Variants in LRRN1 observed in about 807,000 individuals in gnomAD.
The protein encoded by LRRN1 is leucine rich repeat neuronal 1.
In LRRN1, 14 loss-of-function variants were observed where a neutral mutation model predicts 45.8. That is an observed-to-expected ratio of 0.31 (90% CI 0.20 to 0.48). LRRN1 has a LOEUF of 0.48. Among genes scored for constraint, LRRN1 ranks in the 20% least tolerant of loss-of-function variants. The pLI, the probability that LRRN1 is intolerant of heterozygous loss-of-function variation, is 0.99. For missense variants in LRRN1, 789 were observed against 874.2 expected (o/e 0.90, Z 1.23); for synonymous variants, 359 against 330.1 (o/e 1.09, Z -0.95).
intron 1 of LRRN1, among the ~76,000 whole-genome samples, chr3:3,844,036 T>G (rs1693701238): frequency 6.6e-6 from 1 of 151,842 alleles, no homozygotes; most frequent in Non-Finnish European, 1.5e-5. Flanking sequence ...TATGTATGAG[T>G]GTGTGCATTT....
rs1428037287 is a variant in LRRN1 at position 3,846,420 on chromosome 3, A to G, written c.1779A>G (p.Glu593=). The change falls in exon 2 of 2, where the codon GAA becomes GAG. Residue 593 remains glutamate (E), a synonymous_variant. Coordinates refer to ENST00000319331, the MANE Select transcript of LRRN1 (RefSeq NM_020873.7). The surrounding 1 kb of genome is among the most constrained non-coding windows in gnomAD (Gnocchi z 5.7). ...ATCTGCAGCCTTCCACAGATTATGA[A>G]GTGTGTCTCACAGTGTCCAATATTC... ...LTHLQPSTDY[E]VCLTVSNIHQ... 1 of 1,614,068 alleles carries G rather than the reference A, an allele frequency of 6.2e-7. No homozygotes were observed. The highest frequency in any genetic ancestry group is 1.1e-5 in the South Asian group (1 of 91,084).
At chr3:3,829,269 G>T (rs988843269) in intron 1 of LRRN1, among the ~76,000 whole-genome samples, 1 of 152,142 alleles carries the variant, frequency 6.6e-6, no homozygotes, top group Non-Finnish European at 1.5e-5. Flanking sequence ...CTTAAAGGTA[G>T]AGGGAGCCCA....
chr3:3,825,694 C>G (rs1693200910), intron 1 of LRRN1, among the ~76,000 whole-genome samples: 1 of 152,062 alleles, frequency 6.6e-6, no homozygotes. Flanking sequence ...TAGGGGATCT[C>G]TAAGGTCCTG....
chr3:3,842,738 T>C (rs1385544728), intron 1 of LRRN1, among the ~76,000 whole-genome samples: 1 of 152,132 alleles, frequency 6.6e-6, no homozygotes, highest in Admixed American at 6.5e-5. Context: ...AAGTGCACTA[T>C]AGCAAGACAA....
chr3:3,837,363 T>A (rs1329941031), intron 1 of LRRN1, among the ~76,000 whole-genome samples: 1 of 151,812 alleles, frequency 6.6e-6, no homozygotes, highest in African/African-American at 2.4e-5. Context: ...CCACACCAAG[T>A]GTCAAGAGCT....
Position 3,848,093 on chromosome 3 carries a change from G to A in LRRN1, c.*1301G>A, listed in dbSNP as rs1693814242. Among the ~76,000 whole-genome samples, 5 of 152,204 alleles carry A rather than the reference G, an allele frequency of 3.3e-5. No homozygotes were observed. The South Asian group carries it at 1.0e-3, about 32-fold the overall frequency. ...TTCATCAAAGTACAAAAACGTCTGT[G>A]GAGTGTCACAAACTGTATGACATGT... On this transcript the variant is annotated 3_prime_UTR_variant, in exon 2 of 2. Transcript: ENST00000319331.
Position 3,844,479 on chromosome 3 carries a change from T to A in LRRN1, c.-163T>A. On this transcript the variant is annotated 5_prime_UTR_variant, in exon 2 of 2. Transcript: ENST00000319331. ...AAGTTGCTTTCTGCCTTTTGAAAACTCCTGAAAACCATCCCTTTGGACTCT... is the reference window on the plus strand; with the variant it reads ...AAGTTGCTTTCTGCCTTTTGAAAACACCTGAAAACCATCCCTTTGGACTCT... 1 of 595,320 alleles carries A rather than the reference T, an allele frequency of 1.7e-6. No homozygotes were observed. The highest frequency in any genetic ancestry group is 2.9e-6 in the Non-Finnish European group (1 of 345,076). The allele number at this position is 595,320 out of a possible 1,614,324, so 36.9% of individuals were successfully genotyped here.
intron 1 of LRRN1, among the ~76,000 whole-genome samples, chr3:3,839,819 GT>G (rs1453064762): frequency 6.6e-6 from 1 of 152,030 alleles, no homozygotes; most frequent in East Asian, 1.9e-4. Flanking sequence ...ACTCATTTGT[GT>G]GTTGATTTTG....
At chr3:3,801,243 C>T (rs1164624179) in intron 1 of LRRN1, 3 of 152,248 alleles carry the variant, frequency 2.0e-5, no homozygotes, top group Admixed American at 2.0e-4. Context: ...AATCCCATCC[C>T]GCCGTAAGTA....
At position 3,846,510 on chromosome 3, in the gene LRRN1, C is replaced by G. The variant is rs1475441242; in HGVS notation, c.1869C>G (p.Ile623Met). 1 of 1,614,080 alleles carries G rather than the reference C, an allele frequency of 6.2e-7. No individual in the cohort carries two copies. Among genetic ancestry groups the G allele is most frequent in the Non-Finnish European group, 8.5e-7 (1 of 1,180,036 alleles). The change falls in exon 2 of 2, where the codon ATC becomes ATG. Residue 623 changes from isoleucine to methionine, a missense_variant. By Grantham distance (10) the Ile-to-Met change is conservative (BLOSUM62 1). Coordinates refer to ENST00000319331, the MANE Select transcript of LRRN1 (RefSeq NM_020873.7). This position sits in a 1 kb window ranked among gnomAD's most constrained non-coding sequence, Gnocchi z 5.7. The part of the protein sequence containing the change: ...TTKNAAFAVD[I>M]SDQETSTALA... ...AAAATGCCGCCTTCGCAGTGGACATCTCTGATCAAGAAACCAGTACAGCCC... is the reference window on the plus strand; with the variant it reads ...AAAATGCCGCCTTCGCAGTGGACATGTCTGATCAAGAAACCAGTACAGCCC...
intron 1 of LRRN1, chr3:3,800,656 GA>G (rs1692630336): frequency 3.6e-5 from 1 of 27,448 alleles, no homozygotes; most frequent in African/African-American, 9.5e-5. Context: ...TCCACGCGGG[GA>G]CAGACCTCAG....
At chr3:3,807,231 TGG>T (rs1692782019) in intron 1 of LRRN1, among the ~76,000 whole-genome samples, 1 of 152,102 alleles carries the variant, frequency 6.6e-6, no homozygotes, top group Admixed American at 6.5e-5. Flanking sequence ...TGTGACAATC[TGG>T]GAAGAAAGGT....
In LRRN1 at chr3:3,847,616, TAGAAC is replaced by T. The variant is rs1411533569; in HGVS notation, c.*826_*830del. The T allele has an allele frequency of 6.0e-6, 1 of 167,102 alleles. No homozygotes were observed. The highest frequency in any genetic ancestry group is 1.5e-5 in the Non-Finnish European group (1 of 68,106). The allele number at this position is 167,102 out of a possible 1,614,324, so 10.4% of individuals were successfully genotyped here. ...ATAAATTAGTTTTGTTCTGATTTTT[TAGAAC>T]ACTTGCAATAATGTATCATTTATAG... On this transcript the variant is annotated 3_prime_UTR_variant, in exon 2 of 2. Transcript: ENST00000319331.
intron 1 of LRRN1, among the ~76,000 whole-genome samples, chr3:3,811,956 T>A (rs977295618): frequency 2.6e-5 from 4 of 152,180 alleles, no homozygotes; most frequent in African/African-American, 9.7e-5. Flanking sequence ...GTGCTCAGTA[T>A]TGGTTAAAAG....
At chr3:3,830,877 G>C (rs759160650) in intron 1 of LRRN1, among the ~76,000 whole-genome samples, 2 of 152,184 alleles carry the variant, frequency 1.3e-5, no homozygotes, top group Non-Finnish European at 2.9e-5. Flanking sequence ...CCAAAGCCTA[G>C]TAACAGGCCA....
At position 3,847,197 on chromosome 3, in the gene LRRN1, A is replaced by C. The variant is rs1414717771; in HGVS notation, c.*405A>C. Reference sequence around the variant, plus strand: ...TCCGTAGAAAGTACTTTGTCCTCCAAAAAGCTAACATACGGTTTTGAAGCA... The same window carrying C: ...TCCGTAGAAAGTACTTTGTCCTCCACAAAGCTAACATACGGTTTTGAAGCA... On this transcript the variant is annotated 3_prime_UTR_variant, in exon 2 of 2. Transcript: ENST00000319331. 5.9e-6 allele frequency: 1 copy of C among 169,180 alleles called. No individual in the cohort carries two copies. 10.5% of individuals were successfully genotyped at this position (169,180 alleles called of 1,614,324 possible). A position where few individuals can be genotyped will look rare whatever the true frequency, so the allele number is the denominator to read the frequency against.
intron 1 of LRRN1, among the ~76,000 whole-genome samples, chr3:3,812,504 G>A (rs1692897108): frequency 6.6e-6 from 1 of 152,146 alleles, no homozygotes; most frequent in Admixed American, 6.5e-5. Flanking sequence ...AGAATAAAAG[G>A]GTACTTTCTT....
intron 1 of LRRN1, among the ~76,000 whole-genome samples, chr3:3,821,442 T>G (rs549374745): frequency 6.6e-6 from 1 of 152,268 alleles, no homozygotes; most frequent in South Asian, 2.1e-4. Flanking sequence ...TACTCCTCCC[T>G]TTTGACATGT....
At chr3:3,812,348 C>T (rs948632414) in intron 1 of LRRN1, among the ~76,000 whole-genome samples, 1 of 152,130 alleles carries the variant, frequency 6.6e-6, no homozygotes, top group Admixed American at 6.5e-5. Context: ...AGAACTGACA[C>T]TTATTTAAGC....
Sources: allele counts gnomAD v4.1 joint callset (sites outside exome capture counted in the v4.1 genomes callset), GRCh38; gene constraint gnomAD v4.1.1; non-coding constraint Gnocchi (gnomAD v3.1); transcripts MANE v1.5; gene names NCBI Gene and HGNC (gene_info 2026-07-23, HGNC 2026-07-21).